The following LRRC8C variants were observed in gnomAD, a reference collection of about 807,000 sequenced individuals.
The protein encoded by LRRC8C is leucine rich repeat containing 8 VRAC subunit C.
In LRRC8C, 20 loss-of-function variants were observed where a neutral mutation model predicts 55.3. The ratio of observed to expected loss-of-function variants is 0.36; its 90% confidence interval spans 0.25 to 0.53. The LOEUF (loss-of-function observed/expected upper bound fraction) is 0.53. LRRC8C is among the 20% of genes least tolerant of loss of function. The pLI is 0.92. For missense variants in LRRC8C, 659 were observed against 951.4 expected (o/e 0.69, Z 4.04); for synonymous variants, 376 against 360.7 (o/e 1.04, Z -0.48).
rs1425102781 is a variant in LRRC8C at position 89,714,805 on chromosome 1, A to G, written c.2235A>G (p.Ser745=). 6.2e-7 allele frequency: 1 copy of G among 1,614,058 alleles called. No individual in the cohort carries two copies. The highest frequency in any genetic ancestry group is 8.5e-7 in the Non-Finnish European group (1 of 1,180,006). ...GAAAAAACAGCCTATCTGTACTTTCACCGAAAATTGGAAATTTGCTATTTC... is the reference window on the plus strand; with the variant it reads ...GAAAAAACAGCCTATCTGTACTTTCGCCGAAAATTGGAAATTTGCTATTTC... ...KIGKNSLSVL[S]PKIGNLLFLS... Residue 745 remains serine (S), a synonymous_variant, in exon 3 of 3, where the codon TCA becomes TCG. Coordinates refer to ENST00000370454, the MANE Select transcript of LRRC8C (RefSeq NM_032270.5). The surrounding 1 kb of genome is among the most constrained non-coding windows in gnomAD (Gnocchi z 4.6).
rs1658806732 is a variant in LRRC8C, at chr1:89,715,942, T to C, written c.*960T>C. On this transcript the variant is annotated 3_prime_UTR_variant, in exon 3 of 3. Coordinates refer to ENST00000370454, the MANE Select transcript of LRRC8C (RefSeq NM_032270.5). ...TCCTTTTCTCAGCACAGTGTGGCAG[T>C]GGTAATCTATTCAAATTTTGCCTGT... The C allele has an allele frequency of 6.6e-6, 1 of 152,172 alleles. No homozygotes were observed. Among genetic ancestry groups the C allele is most frequent in the South Asian group, 2.1e-4 (1 of 4,834 alleles). 9.4% of individuals were successfully genotyped at this position (152,172 alleles called of 1,614,324 possible).
At chr1:89,653,155 A>G (rs552833091) in intron 1 of LRRC8C, among the ~76,000 whole-genome samples, 2 of 152,336 alleles carry the variant, frequency 1.3e-5, no homozygotes, top group Non-Finnish European at 2.9e-5. Flanking sequence ...TAGAGCAATC[A>G]TTAGCCAACC....
chr1:89,651,705 G>A (rs565102050), intron 1 of LRRC8C, among the ~76,000 whole-genome samples: 4 of 151,986 alleles, frequency 2.6e-5, no homozygotes, highest in African/African-American at 9.6e-5. Context: ...ACTTGTTAGT[G>A]TATGTTAAAG....
intron 1 of LRRC8C, among the ~76,000 whole-genome samples, chr1:89,649,663 A>T (rs1656704396): frequency 6.6e-6 from 1 of 152,180 alleles, no homozygotes; most frequent in South Asian, 2.1e-4. Flanking sequence ...TACCTCCTGG[A>T]GGTAAATAAA....
intron 2 of LRRC8C, among the ~76,000 whole-genome samples, chr1:89,698,621 T>G (rs1030883335): frequency 6.6e-6 from 1 of 152,176 alleles, no homozygotes. Context: ...ACCATTATAC[T>G]TTACCACTGA....
At chr1:89,623,589 G>A in the LRRC8C span, among the ~76,000 whole-genome samples, 1 of 152,186 alleles carries the variant, frequency 6.6e-6, no homozygotes, top group Non-Finnish European at 1.5e-5. Flanking sequence ...GGGCATGGTG[G>A]CATGTGCCTG....
upstream of LRRC8C, among the ~76,000 whole-genome samples, chr1:89,628,692 T>C (rs919513887): frequency 3.3e-5 from 5 of 152,252 alleles, no homozygotes; most frequent in African/African-American, 7.2e-5. Context: ...CCTTTCGATA[T>C]AACATTCCTT....
chr1:89,698,056 G>T (rs1185012994), intron 2 of LRRC8C, among the ~76,000 whole-genome samples: 1 of 152,174 alleles, frequency 6.6e-6, no homozygotes, highest in Non-Finnish European at 1.5e-5. Flanking sequence ...TTCTAATGTG[G>T]ATATGATGGT....
At chr1:89,665,584 G>A (rs944786036) in intron 1 of LRRC8C, among the ~76,000 whole-genome samples, 7 of 152,184 alleles carry the variant, frequency 4.6e-5, no homozygotes, top group Non-Finnish European at 1.5e-5. Flanking sequence ...TATAAAATGT[G>A]TTTGTGTTTT....
At chr1:89,678,750 A>G (rs1183180564) in intron 1 of LRRC8C, among the ~76,000 whole-genome samples, 1 of 149,982 alleles carries the variant, frequency 6.7e-6, no homozygotes, top group East Asian at 2.0e-4. Flanking sequence ...GGGTTTTTTG[A>G]CAGACTGCAC....
rs143426027 is a variant in LRRC8C, at chr1:89,696,795, C to G, written c.138+10184C>G. 2.0e-5 allele frequency among the ~76,000 whole-genome samples: 3 copies of G among 152,282 alleles called. No homozygotes were observed. The East Asian group carries it at 5.8e-4, about 29-fold the overall frequency. ...TCACCATCTCTATCAAGCCCTCTTT[C>G]ACCTAGAAAGAAGTAAGGAGGAGCA... On this transcript the variant is annotated intron_variant, in intron 2 of 2. Transcript: ENST00000370454.
At chr1:89,619,861 G>A in the LRRC8C span, among the ~76,000 whole-genome samples, 1 of 152,092 alleles carries the variant, frequency 6.6e-6, no homozygotes, top group African/African-American at 2.4e-5. Flanking sequence ...CTATAAAGTA[G>A]ACACTATAAT....
At chr1:89,705,776 C>T (rs1658464778) in intron 2 of LRRC8C, among the ~76,000 whole-genome samples, 1 of 151,916 alleles carries the variant, frequency 6.6e-6, no homozygotes, top group African/African-American at 2.4e-5. Flanking sequence ...AAGACCCTGT[C>T]TCAAAAATAA....
intron 1 of LRRC8C, among the ~76,000 whole-genome samples, chr1:89,657,552 C>T (rs987713438): frequency 2.0e-5 from 3 of 151,824 alleles, no homozygotes; most frequent in Non-Finnish European, 4.4e-5. Flanking sequence ...ACCAGCCTGG[C>T]CAATATGGTG....
intron 1 of LRRC8C, among the ~76,000 whole-genome samples, chr1:89,674,159 G>T (rs764170207): frequency 6.6e-6 from 1 of 152,088 alleles, no homozygotes; most frequent in Non-Finnish European, 1.5e-5. Flanking sequence ...TTAAATTAAA[G>T]AACATATCTA....
At chr1:89,687,997 T>C (rs1657928021) in intron 2 of LRRC8C, among the ~76,000 whole-genome samples, 1 of 152,242 alleles carries the variant, frequency 6.6e-6, no homozygotes, top group Non-Finnish European at 1.5e-5. Context: ...AATGTCATCC[T>C]CATGACAACT....
intron 1 of LRRC8C, among the ~76,000 whole-genome samples, chr1:89,685,400 C>G: frequency 6.6e-6 from 1 of 152,172 alleles, no homozygotes; most frequent in Non-Finnish European, 1.5e-5. Context: ...CAGGCGTGAG[C>G]CACCGCGCCC....
At chr1:89,706,889 G>T (rs1295518646) in intron 2 of LRRC8C, among the ~76,000 whole-genome samples, 1 of 152,104 alleles carries the variant, frequency 6.6e-6, no homozygotes, top group Admixed American at 6.5e-5. Flanking sequence ...AATAGCTGTT[G>T]TGTTTTCTCA....
chr1:89,666,008 A>C (rs552967852), intron 1 of LRRC8C, among the ~76,000 whole-genome samples: 2 of 152,328 alleles, frequency 1.3e-5, no homozygotes, highest in South Asian at 4.1e-4. Flanking sequence ...TAGGAGCAAG[A>C]GGCCAAACCC....
Sources: gnomAD v4.1 joint callset for allele counts (sites outside exome capture counted in the v4.1 genomes callset) on GRCh38, gnomAD v4.1.1 for gene constraint, Gnocchi (gnomAD v3.1) non-coding constraint, MANE v1.5 for transcripts, NCBI Gene and HGNC (gene_info 2026-07-23, HGNC 2026-07-21) for gene names.